RBPMS: variants seen among roughly 807,000 people sequenced by gnomAD.
RBPMS encodes the protein RNA-binding protein with multiple splicing.
RBPMS carries 7 observed loss-of-function variants against 26.8 expected under a neutral mutation model. That is an observed-to-expected ratio of 0.26 (90% CI 0.15 to 0.49). The LOEUF (loss-of-function observed/expected upper bound fraction) is 0.49, where lower values mean the gene tolerates loss of function less well. Among genes scored for constraint, RBPMS ranks in the 20% least tolerant of loss-of-function variants. The pLI is 0.98. For synonymous variants in RBPMS, 96 were observed against 93.3 expected, an observed-to-expected ratio of 1.03 and a Z score of -0.17; for missense variants, 186 against 250.0, an observed-to-expected ratio of 0.74 and a Z score of 1.73.
At chr8:30,409,196 CT>C (rs571043064) in intron 1 of RBPMS, among the ~76,000 whole-genome samples, 332 of 142,846 alleles carry the variant, frequency 2.3e-3, no homozygotes, top group Middle Eastern at 3.6e-3. Context: ...AGCGTTTTCT[CT>C]TTTTTTTTTT....
At chr8:30,439,980 C>A (rs1349362375) in intron 1 of RBPMS, among the ~76,000 whole-genome samples, 1 of 152,198 alleles carries the variant, frequency 6.6e-6, no homozygotes, top group Non-Finnish European at 1.5e-5. Flanking sequence ...AGTTCAAGAC[C>A]AGCCTGAGCA....
At chr8:30,523,820 A>C (rs1823301742) in intron 5 of RBPMS, among the ~76,000 whole-genome samples, 1 of 152,212 alleles carries the variant, frequency 6.6e-6, no homozygotes, top group Admixed American at 6.5e-5. Flanking sequence ...AGACTTTATA[A>C]GTGGATTATC....
At chr8:30,526,786 T>C (rs1823636753) in intron 5 of RBPMS, among the ~76,000 whole-genome samples, 1 of 152,216 alleles carries the variant, frequency 6.6e-6, no homozygotes. Context: ...ATGGGAATGC[T>C]AGATTACAGT....
chr8:30,559,472 C>A (rs1408044147), intron 7 of RBPMS, among the ~76,000 whole-genome samples: 1 of 152,246 alleles, frequency 6.6e-6, no homozygotes, highest in Admixed American at 6.5e-5. Flanking sequence ...TTAAGGTTTT[C>A]ATCATGAAGG....
At chr8:30,547,865 A>G (rs1466964654) in intron 6 of RBPMS, among the ~76,000 whole-genome samples, 2 of 152,218 alleles carry the variant, frequency 1.3e-5, no homozygotes, top group Non-Finnish European at 1.5e-5. Flanking sequence ...CACAGGAAGG[A>G]AGACCAGGAG....
At chr8:30,518,742 T>A (rs1209416191) in intron 5 of RBPMS, among the ~76,000 whole-genome samples, 1 of 140,992 alleles carries the variant, frequency 7.1e-6, no homozygotes, top group Non-Finnish European at 1.5e-5. Flanking sequence ...TTTTTAGCTG[T>A]CATTTAATTG....
In RBPMS at chr8:30,510,500, C is replaced by CT. The variant is rs35949437; in HGVS notation, c.397+6076dup. Reference sequence around the variant, plus strand: ...TGCTAGTCTCACATCACCACACTGCCTTTTTTTTTTTTCCAGTTATGTTTT... The same window carrying CT: ...TGCTAGTCTCACATCACCACACTGCCTTTTTTTTTTTTTCCAGTTATGTTTT... On this transcript the variant is annotated intron_variant, in intron 5 of 8. Transcript: ENST00000397323. Among the ~76,000 whole-genome samples, 87 of 146,798 alleles carry CT rather than the reference C, an allele frequency of 5.9e-4. 1 individual carries two copies. The highest frequency in any genetic ancestry group is 1.3e-3 in the South Asian group (6 of 4,592).
chr8:30,545,797 G>A (rs1037039159), intron 6 of RBPMS, among the ~76,000 whole-genome samples: 4 of 152,214 alleles, frequency 2.6e-5, no homozygotes, highest in African/African-American at 7.2e-5. Flanking sequence ...TTGATGACCC[G>A]GCTTCCTGGC....
intron 1 of RBPMS, among the ~76,000 whole-genome samples, chr8:30,427,190 C>T (rs1255702207): frequency 1.3e-5 from 2 of 152,094 alleles, no homozygotes; most frequent in Non-Finnish European, 2.9e-5. Context: ...TTGTTTGTAC[C>T]CCAGAATTAT....
chr8:30,522,849 C>T (rs903391741), intron 5 of RBPMS, among the ~76,000 whole-genome samples: 11 of 152,100 alleles, frequency 7.2e-5, no homozygotes, highest in African/African-American at 1.4e-4. Context: ...TTGTCATATA[C>T]TTATTAACCA....
chr8:30,513,035 G>A (rs943853272), intron 5 of RBPMS, among the ~76,000 whole-genome samples: 10 of 147,674 alleles, frequency 6.8e-5, no homozygotes, highest in Non-Finnish European at 1.5e-4. Context: ...AGAGGTGGTA[G>A]TGAGGGCACA....
At position 30,566,163 on chromosome 8, in the gene RBPMS, T is replaced by C. The variant is rs894930322; in HGVS notation, c.*8-94T>C. ...CTCTTTCGGCGTTGCCTCTCTTGGC[T>C]CTCTGCCCTCAGAACAGGCCGGTCT... On this transcript the variant is annotated intron_variant, in intron 7 of 8. Coordinates refer to ENST00000397323, the MANE Select transcript of RBPMS (RefSeq NM_001008710.3). 1.0e-4 allele frequency: 67 copies of C among 650,300 alleles called. No individual in the cohort carries two copies. In the African/African-American group the frequency reaches 1.3e-3, roughly 12 times the overall value. 40.3% of individuals were successfully genotyped at this position (650,300 alleles called of 1,614,324 possible).
intron 1 of RBPMS, among the ~76,000 whole-genome samples, chr8:30,443,806 G>A (rs115989425): frequency 7.3e-4 from 111 of 152,030 alleles, no homozygotes; most frequent in African/African-American, 2.5e-3. Context: ...CGCGTTGGCC[G>A]GGATGGTCTC....
intron 6 of RBPMS, chr8:30,556,151 G>T (rs1826885909): frequency 1.0e-6 from 1 of 985,288 alleles, no homozygotes; most frequent in African/African-American, 1.7e-5. Flanking sequence ...AGACACAAGA[G>T]CAATGAATTC....
chr8:30,446,657 GTT>G (rs1191610545), intron 1 of RBPMS, among the ~76,000 whole-genome samples: 2 of 152,114 alleles, frequency 1.3e-5, no homozygotes, highest in East Asian at 3.9e-4. Flanking sequence ...TTGAGACAGG[GTT>G]TTGCTCCATT....
intron 5 of RBPMS, among the ~76,000 whole-genome samples, chr8:30,543,456 G>A (rs1192435859): frequency 6.6e-6 from 1 of 152,162 alleles, no homozygotes; most frequent in African/African-American, 2.4e-5. Context: ...CTCAGGGAAA[G>A]TACTGAATGG....
At chr8:30,468,329 A>T (rs1816733759) in intron 1 of RBPMS, among the ~76,000 whole-genome samples, 1 of 151,684 alleles carries the variant, frequency 6.6e-6, no homozygotes, top group East Asian at 1.9e-4. Flanking sequence ...TTTTTTTTGC[A>T]CTTTCTCTTT....
chr8:30,419,067 G>GGA (rs1563300470), intron 1 of RBPMS, among the ~76,000 whole-genome samples: 1 of 113,172 alleles, frequency 8.8e-6, no homozygotes, highest in African/African-American at 3.0e-5. Context: ...ATTATCAGTT[G>GGA]AAAAAAAAAA....
intron 5 of RBPMS, among the ~76,000 whole-genome samples, chr8:30,541,885 A>T (rs1825424290): frequency 6.6e-6 from 1 of 152,216 alleles, no homozygotes; most frequent in South Asian, 2.1e-4. Context: ...CAAAAAGCTT[A>T]TTCTGCTTTA....
Sources: allele counts gnomAD v4.1 joint callset (sites outside exome capture counted in the v4.1 genomes callset), GRCh38; gene constraint gnomAD v4.1.1; transcripts MANE v1.5; gene names NCBI Gene and HGNC (gene_info 2026-07-23, HGNC 2026-07-21).